TAPT1: variants seen among roughly 807,000 people sequenced by gnomAD.
TAPT1 encodes transmembrane anterior posterior transformation 1.
TAPT1 carries 28 observed loss-of-function variants against 65.6 expected under a neutral mutation model. That is an observed-to-expected ratio of 0.43 (90% confidence interval 0.32 to 0.59). TAPT1 has a LOEUF of 0.59. Ranked by LOEUF, TAPT1 falls within the 20% of genes least tolerant of loss-of-function variation. The probability of loss-of-function intolerance (pLI) is 0.09; values close to 1 mark genes in which losing one functional copy is unlikely to be tolerated. For synonymous variants in TAPT1, 278 were observed against 245.2 expected (o/e 1.13, Z -1.25); for missense variants, 563 against 679.9 (o/e 0.83, Z 1.91).
intron 4 of TAPT1, among the ~76,000 whole-genome samples, chr4:16,188,646 C>T (rs1308538445): frequency 6.7e-6 from 1 of 149,960 alleles, no homozygotes; most frequent in Admixed American, 6.6e-5. Flanking sequence ...TCTGGCCGGG[C>T]ACGGTGGCTC....
intron 12 of TAPT1, among the ~76,000 whole-genome samples, chr4:16,170,258 T>C (rs1006781970): frequency 6.6e-6 from 1 of 152,216 alleles, no homozygotes; most frequent in African/African-American, 2.4e-5. Context: ...TGCATTACAT[T>C]TGGGTTTACG....
intron 3 of TAPT1, among the ~76,000 whole-genome samples, chr4:16,199,094 T>C (rs958400851): frequency 1.3e-5 from 2 of 152,184 alleles, no homozygotes; most frequent in Non-Finnish European, 2.9e-5. Context: ...CATTTATAAT[T>C]GCCTGAACTC....
Position 16,166,672 on chromosome 4 carries a change from G to A in TAPT1, c.1435C>T (p.Pro479Ser). 1.9e-6 allele frequency: 3 copies of A among 1,614,016 alleles called. No homozygotes were observed. The highest frequency in any genetic ancestry group is 1.7e-6 in the Non-Finnish European group (2 of 1,179,888). Residue 479 changes from proline to serine, a missense_variant, in exon 13 of 14, where the codon CCG (proline) becomes TCG (serine). By Grantham distance (74) the Pro-to-Ser change is moderately conservative. Coordinates refer to ENST00000405303, the MANE Select transcript of TAPT1 (RefSeq NM_153365.3). ...NPPATCTPGKPSSKSQNKCKP... is the reference protein window; with the variant it reads ...NPPATCTPGKSSSKSQNKCKP... ...CATTTGTTCTGTGATTTACTGGACG[G>A]CTTGCCTGGAGTGCAGGTTGCGGGA...
chr4:16,218,740 C>A (rs973829619), intron 1 of TAPT1, among the ~76,000 whole-genome samples: 1 of 152,212 alleles, frequency 6.6e-6, no homozygotes, highest in African/African-American at 2.4e-5. Flanking sequence ...GACGCAGTGT[C>A]TTCAACTACT....
At position 16,161,900 on chromosome 4, in the gene TAPT1, C is replaced by T. The variant is rs913156913; in HGVS notation, c.*1408G>A. ...TTGCATGAGAGCTAAACTTCAAAAT[C>T]AAAACATCAAAGGAAATAACAGTTA... On this transcript the variant is annotated 3_prime_UTR_variant, in exon 14 of 14. Transcript: ENST00000405303. The T allele has an allele frequency of 6.6e-6, 1 of 152,146 alleles. No homozygotes were observed. Among genetic ancestry groups the T allele is most frequent in the African/African-American group, 2.4e-5 (1 of 41,434 alleles). The allele number at this position is 152,146 out of a possible 1,614,324, so 9.4% of individuals were successfully genotyped here. A position where few individuals can be genotyped will look rare whatever the true frequency, so the allele number is the denominator to read the frequency against.
At chr4:16,204,496 C>A (rs937596777) in intron 2 of TAPT1, among the ~76,000 whole-genome samples, 5 of 152,346 alleles carry the variant, frequency 3.3e-5, no homozygotes, top group Admixed American at 6.5e-5. Context: ...TCAAAATAAT[C>A]TTTTGCTTAA....
rs1218924276 is a variant in TAPT1 at position 16,162,287 on chromosome 4, C to G, written c.*1021G>C. 6.5e-6 allele frequency: 1 copy of G among 153,136 alleles called. No homozygotes were observed. The highest frequency in any genetic ancestry group is 2.4e-5 in the African/African-American group (1 of 41,418). 9.5% of individuals were successfully genotyped at this position (153,136 alleles called of 1,614,324 possible). A position where few individuals can be genotyped will look rare whatever the true frequency, so the allele number is the denominator to read the frequency against. ...CTCCCACAGAACACACACCCTGCCC[C>G]AGCACAGGCACACTCGCTGTCGACC... On this transcript the variant is annotated 3_prime_UTR_variant, in exon 14 of 14. Transcript: ENST00000405303.
At chr4:16,166,902 C>A (rs1315364944) in intron 12 of TAPT1, 109 bp from the exon 13 acceptor site, 10 of 1,051,820 alleles carry the variant, frequency 9.5e-6, no homozygotes, top group African/African-American at 1.6e-5. Context: ...GGGACGGTGA[C>A]AGATTAGGGA....
chr4:16,167,012 T>TTTTTA (rs1747684014), intron 12 of TAPT1: 2 of 393,660 alleles, frequency 5.1e-6, no homozygotes, highest in African/African-American at 4.1e-5. Context: ...TTTTTTTTTT[T>TTTTTA]GAGACAGAGT....
chr4:16,180,916 G>A (rs1002738032), intron 7 of TAPT1, among the ~76,000 whole-genome samples: 8 of 152,206 alleles, frequency 5.3e-5, no homozygotes, highest in African/African-American at 1.9e-4. Flanking sequence ...TGTGAGCTCA[G>A]GGCACAGTGA....
intron 11 of TAPT1, among the ~76,000 whole-genome samples, chr4:16,171,233 C>T (rs999064181): frequency 1.8e-4 from 27 of 152,050 alleles, no homozygotes; most frequent in African/African-American, 6.5e-4. Flanking sequence ...ACAGGGAACA[C>T]AGGAAAAATG....
chr4:16,224,649 C>T (rs747227781), intron 1 of TAPT1, among the ~76,000 whole-genome samples: 1 of 152,176 alleles, frequency 6.6e-6, no homozygotes, highest in Admixed American at 6.5e-5. Context: ...CTGGAGGCAT[C>T]TCCCTGATAA....
rs531344315 is a variant in TAPT1 at position 16,184,583 on chromosome 4, C to T, written c.916+1952G>A. Among the ~76,000 whole-genome samples the T allele has an allele frequency of 3.9e-5, 6 of 152,140 alleles. 1 individual carries two copies. In the South Asian group the frequency reaches 6.2e-4, roughly 16 times the overall value. On this transcript the variant is annotated intron_variant, in intron 7 of 13. Coordinates refer to ENST00000405303, the MANE Select transcript of TAPT1 (RefSeq NM_153365.3). ...CAGCAGTTGTAATACTTTACACTCA[C>T]GCCATCGATGCCTGAGTGCCAGTTA...
chr4:16,163,618 G>A, intron 13 of TAPT1, 81 bp from the exon 14 acceptor site: 3 of 1,138,938 alleles, frequency 2.6e-6, no homozygotes, highest in Non-Finnish European at 3.7e-6. Flanking sequence ...ATACAGTGGT[G>A]CTGAAAAAAG....
At chr4:16,193,693 C>G (rs1046999549) in intron 3 of TAPT1, among the ~76,000 whole-genome samples, 8 of 152,188 alleles carry the variant, frequency 5.3e-5, no homozygotes, top group African/African-American at 1.9e-4. Context: ...CACTTGTGAG[C>G]TCCTGGCCTT....
chr4:16,185,942 T>G (rs1748987574), intron 7 of TAPT1, among the ~76,000 whole-genome samples: 1 of 152,166 alleles, frequency 6.6e-6, no homozygotes, highest in African/African-American at 2.4e-5. Context: ...GTCTTCATAT[T>G]CTTGTGAAAA....
At position 16,206,957 on chromosome 4, in the gene TAPT1, G is replaced by C. The variant is rs570815267; in HGVS notation, c.331-4377C>G. On this transcript the variant is annotated intron_variant, in intron 2 of 13. Transcript: ENST00000405303. ...AAGAATGGTAAGACAGTTGCAGAAA[G>C]AACGTGGAAGCTGTGGTCACTACCA... 3.9e-5 allele frequency among the ~76,000 whole-genome samples: 6 copies of C among 152,334 alleles called. No individual in the cohort carries two copies. In the South Asian group the frequency reaches 1.0e-3, roughly 26 times the overall value.
chr4:16,166,823 C>G, intron 12 of TAPT1, 30 bp from the exon 13 acceptor site: 1 of 1,608,736 alleles, frequency 6.2e-7, no homozygotes, highest in Non-Finnish European at 8.5e-7. Flanking sequence ...AAACCACATC[C>G]GTTGGAATTC....
chr4:16,222,835 A>G (rs2108902650), intron 1 of TAPT1, among the ~76,000 whole-genome samples: 1 of 152,330 alleles, frequency 6.6e-6, no homozygotes, highest in East Asian at 1.9e-4. Context: ...TTGAAGTTTT[A>G]GAAGTCCAGA....
Sources: allele counts gnomAD v4.1 joint callset (sites outside exome capture counted in the v4.1 genomes callset), GRCh38; gene constraint gnomAD v4.1.1; transcripts MANE v1.5; gene names NCBI Gene and HGNC (gene_info 2026-07-23, HGNC 2026-07-21).